The following MYL12A variants were observed in gnomAD, a reference collection of about 807,000 sequenced individuals.
MYL12A encodes the protein myosin light chain 12A, also known as myosin regulatory light chain 12A.
Under a neutral mutation model 13.3 loss-of-function variants are expected in MYL12A, and 11 were observed. The observed-to-expected ratio is 0.83, with a 90% CI of 0.52 to 1.37. The LOEUF is 1.37. MYL12A is among the 40% of genes most tolerant of loss of function. The pLI is 0.00. For missense variants in MYL12A, 146 were observed against 212.3 expected (o/e 0.69, Z 1.94); for synonymous variants, 51 against 69.9 (o/e 0.73, Z 1.35).
intron 1 of MYL12A, 49 bp from the exon 2 acceptor site, chr18:3,253,184 T>G: frequency 6.5e-7 from 1 of 1,535,350 alleles, no homozygotes; most frequent in Non-Finnish European, 8.8e-7. Context: ...CAAACTTAAG[T>G]AATCTTAGAT....
chr18:3,252,642 C>T (rs138414303), intron 1 of MYL12A, among the ~76,000 whole-genome samples: 1 of 152,230 alleles, frequency 6.6e-6, no homozygotes, highest in East Asian at 1.9e-4. Flanking sequence ...AGTGCAATGT[C>T]TATAAAAACT....
intron 1 of MYL12A, among the ~76,000 whole-genome samples, chr18:3,248,922 A>G (rs1276258263): frequency 6.8e-6 from 1 of 148,016 alleles, no homozygotes; most frequent in East Asian, 2.1e-4. Flanking sequence ...AGTTATACTT[A>G]GGCTTTTTTT....
At chr18:3,252,178 G>T in intron 1 of MYL12A, 1 of 594,696 alleles carries the variant, frequency 1.7e-6, no homozygotes, top group Non-Finnish European at 2.8e-6. Flanking sequence ...TTTTCAGAAC[G>T]TAAGCTTTAA....
At chr18:3,251,349 G>A (rs2081483840) in intron 1 of MYL12A, among the ~76,000 whole-genome samples, 1 of 152,122 alleles carries the variant, frequency 6.6e-6, no homozygotes, top group Admixed American at 6.5e-5. Context: ...TAAAAAATCA[G>A]ATGTGTCAGC....
intron 1 of MYL12A, chr18:3,249,339 T>C (rs940467904): frequency 2.0e-5 from 3 of 152,224 alleles, no homozygotes; most frequent in Admixed American, 1.3e-4. Flanking sequence ...TCCTTAATCA[T>C]GTTGTGTATC....
At chr18:3,248,790 C>G (rs767205737) in intron 1 of MYL12A, 1 of 152,164 alleles carries the variant, frequency 6.6e-6, no homozygotes, top group Non-Finnish European at 1.5e-5. Context: ...GTGTGGCAGT[C>G]CAAGAGAACG....
Position 3,255,833 on chromosome 18 carries a change from A to G in MYL12A, c.431A>G (p.Glu144Gly). 1 of 1,614,182 alleles carries G rather than the reference A, an allele frequency of 6.2e-7. No individual in the cohort carries two copies. Among genetic ancestry groups the G allele is most frequent in the Non-Finnish European group, 8.5e-7 (1 of 1,180,030 alleles). The change falls in exon 4 of 4, where the codon GAA (glutamate) becomes GGA (glycine). Residue 144 changes from glutamate to glycine, a missense_variant. Physicochemically the swap from Glu to Gly is moderately conservative, Grantham distance 98. Coordinates refer to ENST00000217652, the MANE Select transcript of MYL12A (RefSeq NM_006471.4). ...TDEEVDELYR[E>G]APIDKKGNFN... ...GAGGAAGTGGATGAGCTGTACAGAG[A>G]AGCACCTATTGATAAAAAGGGGAAT...
chr18:3,253,035 A>T (rs2081501927), intron 1 of MYL12A, among the ~76,000 whole-genome samples, 198 bp from the exon 2 acceptor site: 1 of 152,168 alleles, frequency 6.6e-6, no homozygotes, highest in Non-Finnish European at 1.5e-5. Flanking sequence ...AGATTTGGTT[A>T]TCAGCTGTTG....
chr18:3,249,993 C>G (rs988388776), intron 1 of MYL12A: 3 of 149,056 alleles, frequency 2.0e-5, no homozygotes, highest in Non-Finnish European at 3.0e-5. Flanking sequence ...ACCTGGCGAT[C>G]TTTGCATCCT....
chr18:3,253,268 G>A lies in MYL12A; in HGVS notation c.21G>A (p.Lys7=). ...CCACCATGTCGAGCAAAAGAACAAA[G>A]ACCAAGACCAAGAAGCGCCCTCAGC... MSSKRT[K]TKTKKRPQRA... The change falls in exon 2 of 4, where the codon AAG becomes AAA. Residue 7 remains lysine, a synonymous_variant. Coordinates refer to ENST00000217652, the MANE Select transcript of MYL12A (RefSeq NM_006471.4). 1 of 1,613,706 alleles carries A rather than the reference G, an allele frequency of 6.2e-7. No homozygotes were observed. The highest frequency in any genetic ancestry group is 8.5e-7 in the Non-Finnish European group (1 of 1,179,734).
At position 3,253,885 on chromosome 18, in the gene MYL12A, T is replaced by A. The variant is rs187497493; in HGVS notation, c.182-4T>A. On this transcript the variant is annotated splice_polypyrimidine_tract_variant and splice_region_variant and intron_variant, in intron 2 of 3. Transcript: ENST00000217652. ...TAAAATTATGACCCCTTTTAAAAAT[T>A]TAGGGAAGAATCCAACTGATGAGTA... 6.3e-7 allele frequency: 1 copy of A among 1,593,122 alleles called. No individual in the cohort carries two copies. Among genetic ancestry groups the A allele is most frequent in the Non-Finnish European group, 8.5e-7 (1 of 1,174,494 alleles).
At chr18:3,247,657 G>T (rs1019263381), upstream of MYL12A, 3 of 152,266 alleles carry the variant, frequency 2.0e-5, no homozygotes, top group Non-Finnish European at 4.4e-5. Flanking sequence ...ATTCTAGGTC[G>T]CCCACTTTAC....
At chr18:3,253,757 A>G (rs1391531940) in intron 2 of MYL12A, 132 bp from the exon 3 acceptor site, 5 of 1,039,510 alleles carry the variant, frequency 4.8e-6, no homozygotes, top group Admixed American at 3.0e-5. Context: ...TTCCCCCCAA[A>G]TAGTTTCACT....
chr18:3,250,148 C>T (rs954617426), intron 1 of MYL12A, among the ~76,000 whole-genome samples: 3 of 152,136 alleles, frequency 2.0e-5, no homozygotes, highest in African/African-American at 7.2e-5. Context: ...GGGTGCAGCA[C>T]ACCAACATGG....
intron 2 of MYL12A, 43 bp from the exon 3 acceptor site, chr18:3,253,846 T>C (rs1316883982): frequency 1.3e-6 from 2 of 1,533,694 alleles, no homozygotes; most frequent in Non-Finnish European, 1.8e-6. Context: ...AGTTGATATG[T>C]ATTGTAATGT....
Position 3,255,825 on chromosome 18 carries a change from G to C in MYL12A, c.423G>C (p.Leu141=). ...TTACAGATGAGGAAGTGGATGAGCTGTACAGAGAAGCACCTATTGATAAAA... is the reference window on the plus strand; with the variant it reads ...TTACAGATGAGGAAGTGGATGAGCTCTACAGAGAAGCACCTATTGATAAAA... ...DRFTDEEVDE[L]YREAPIDKKG... is the part of the protein sequence containing the mutation. Residue 141 remains leucine, a synonymous_variant, in exon 4 of 4, where the codon CTG becomes CTC. Transcript: ENST00000217652. 6.2e-7 allele frequency: 1 copy of C among 1,614,172 alleles called. No homozygotes were observed. The highest frequency in any genetic ancestry group is 8.5e-7 in the Non-Finnish European group (1 of 1,180,032).
intron 1 of MYL12A, chr18:3,248,319 A>T: frequency 6.6e-6 from 1 of 152,184 alleles, no homozygotes; most frequent in East Asian, 1.9e-4. Context: ...GGAATAACCA[A>T]CTCAAATTGG....
intron 1 of MYL12A, among the ~76,000 whole-genome samples, chr18:3,249,190 T>C (rs2081460093): frequency 6.6e-6 from 1 of 152,244 alleles, no homozygotes; most frequent in South Asian, 2.1e-4. Flanking sequence ...AATGTATATA[T>C]TGGTATGGAT....
Position 3,256,022 on chromosome 18 carries a change from A to G in MYL12A, c.*104A>G, listed in dbSNP as rs2081534274. 7.0e-7 allele frequency: 1 copy of G among 1,430,714 alleles called. No individual in the cohort carries two copies. The highest frequency in any genetic ancestry group is 9.5e-7 in the Non-Finnish European group (1 of 1,057,216). The allele number at this position is 1,430,714 out of a possible 1,614,324, so 88.6% of individuals were successfully genotyped here. A position where few individuals can be genotyped will look rare whatever the true frequency, so the allele number is the denominator to read the frequency against. On this transcript the variant is annotated 3_prime_UTR_variant, in exon 4 of 4. Coordinates refer to ENST00000217652, the MANE Select transcript of MYL12A (RefSeq NM_006471.4). Reference sequence around the variant, plus strand: ...TTACAGCTTTTGCATTTCCTGTTGTATTTATTCTCAGCCATTTTGGGCATA... The same window carrying G: ...TTACAGCTTTTGCATTTCCTGTTGTGTTTATTCTCAGCCATTTTGGGCATA...
Sources: allele counts gnomAD v4.1 joint callset (sites outside exome capture counted in the v4.1 genomes callset), GRCh38; gene constraint gnomAD v4.1.1; transcripts MANE v1.5; gene names NCBI Gene and HGNC (gene_info 2026-07-23, HGNC 2026-07-21).